TEX9: variants seen among roughly 807,000 people sequenced by gnomAD.
TEX9 encodes testis-expressed protein 9.
Under a neutral mutation model 59.6 loss-of-function variants are expected in TEX9, and 74 were observed. That is an observed-to-expected ratio of 1.24 (90% CI 1.03 to 1.51). TEX9 has a LOEUF of 1.51. Ranked by LOEUF, TEX9 falls within the 40% of genes most tolerant of loss-of-function variation. The pLI, the probability that TEX9 is intolerant of heterozygous loss-of-function variation, is 0.00. For synonymous variants in TEX9, 186 were observed against 152.2 expected (o/e 1.22, Z -1.64); for missense variants, 522 against 447.8 (o/e 1.17, Z -1.49).
At chr15:56,317,422 T>A (rs987733061) in intron 1 of TEX9, among the ~76,000 whole-genome samples, 43 of 152,156 alleles carry the variant, frequency 2.8e-4, no homozygotes, top group Non-Finnish European at 5.7e-4. Context: ...AGTTTTCCCC[T>A]CTCTTTTCCT....
chr15:56,453,560 A>G, the TEX9 span, among the ~76,000 whole-genome samples: 2 of 152,166 alleles, frequency 1.3e-5, no homozygotes, highest in African/African-American at 2.4e-5. Context: ...CTGAACTTAA[A>G]TATAAATGAG....
chr15:56,443,273 G>T (rs2050850112), intron 12 of TEX9, among the ~76,000 whole-genome samples: 1 of 152,016 alleles, frequency 6.6e-6, no homozygotes, highest in Non-Finnish European at 1.5e-5. Flanking sequence ...TATCTTTTTA[G>T]CCAGCTTGAA....
At position 56,324,384 on chromosome 15, in the gene TEX9, A is replaced by G. The variant is rs573144927; in HGVS notation, c.-106-49057A>G. 6.6e-5 allele frequency among the ~76,000 whole-genome samples: 10 copies of G among 152,302 alleles called. No individual in the cohort carries two copies. The East Asian group carries it at 1.4e-3, about 21-fold the overall frequency. ...TTTGGACAGTGTGGGATATATGTGT[A>G]TAATTTTAATATACACCTTAGGAAG... On this transcript the variant is annotated intron_variant, in intron 1 of 5. Transcript: ENST00000560827.
Position 56,339,401 on chromosome 15 carries a change from A to AAAAC in TEX9, c.-106-34037_-106-34036insCAAA, listed in dbSNP as rs1555434471. 8.9e-5 allele frequency among the ~76,000 whole-genome samples: 11 copies of AAAAC among 124,196 alleles called. 1 individual carries two copies. The highest frequency in any genetic ancestry group is 1.7e-4 in the Admixed American group (2 of 11,540). The allele number at this position is 124,196 out of a possible 152,430, so 81.5% of individuals were successfully genotyped here. On this transcript the variant is annotated intron_variant, in intron 1 of 5. Transcript: ENST00000560827. ...CCTTCTCCAAAAAAAAAAAAAAAAA[A>AAAAC]AAAAAAAAAAAAACAGGAGAATAAC...
chr15:56,412,124 A>G (rs1223692411), intron 9 of TEX9, among the ~76,000 whole-genome samples, 178 bp from the exon 10 acceptor site: 1 of 152,124 alleles, frequency 6.6e-6, no homozygotes, highest in African/African-American at 2.4e-5. Flanking sequence ...ATTTGAGGCA[A>G]GAATTCCTTG....
chr15:56,265,707 A>G (rs1193140542), intron 1 of TEX9, among the ~76,000 whole-genome samples: 1 of 152,100 alleles, frequency 6.6e-6, no homozygotes, highest in Non-Finnish European at 1.5e-5. Context: ...GTTATACTTC[A>G]TATGATTTTT....
At chr15:56,325,252 A>G (rs1039208392) in intron 1 of TEX9, among the ~76,000 whole-genome samples, 21 of 152,210 alleles carry the variant, frequency 1.4e-4, no homozygotes, top group African/African-American at 5.1e-4. Flanking sequence ...TCACTTTCTC[A>G]AGGTTAATCC....
At chr15:56,330,433 C>T (rs920843245) in intron 1 of TEX9, among the ~76,000 whole-genome samples, 4 of 152,022 alleles carry the variant, frequency 2.6e-5, no homozygotes, top group African/African-American at 7.2e-5. Context: ...AGTAGAAAGA[C>T]TAAGTGATGA....
chr15:56,281,635 G>C (rs2044822945), intron 1 of TEX9, among the ~76,000 whole-genome samples: 1 of 152,144 alleles, frequency 6.6e-6, no homozygotes, highest in African/African-American at 2.4e-5. Flanking sequence ...ACTGGTTTAA[G>C]CCCTCAGATA....
At chr15:56,436,117 C>A (rs888308749) in intron 12 of TEX9, among the ~76,000 whole-genome samples, 1 of 152,152 alleles carries the variant, frequency 6.6e-6, no homozygotes, top group Non-Finnish European at 1.5e-5. Context: ...TAATAGACAT[C>A]TACAGAACTC....
At chr15:56,412,256 A>G in intron 9 of TEX9, 46 bp from the exon 10 acceptor site, 14 of 1,537,880 alleles carry the variant, frequency 9.1e-6, no homozygotes, top group Non-Finnish European at 1.2e-5. Context: ...AAAGGGGGAA[A>G]CTATGATATA....
chr15:56,393,145 A>G lies in TEX9; in HGVS notation c.572-1020A>G, dbSNP rs573753551. On this transcript the variant is annotated intron_variant, in intron 7 of 12. Coordinates refer to ENST00000352903, the Ensembl canonical transcript of TEX9. ...AGGTTAGAGTTAGGGAGAAAAAGAA[A>G]TGGGAAAAGTCATGCTTTCCTATTT... Among the ~76,000 whole-genome samples, 12 of 152,246 alleles carry G rather than the reference A, an allele frequency of 7.9e-5. No individual in the cohort carries two copies. In the East Asian group the frequency reaches 2.3e-3, roughly 29 times the overall value.
chr15:56,390,913 T>C (rs1265762469), intron 6 of TEX9, among the ~76,000 whole-genome samples: 6 of 152,186 alleles, frequency 3.9e-5, no homozygotes, highest in African/African-American at 1.4e-4. Flanking sequence ...TATTGCCTTA[T>C]TTGGAAGCAA....
Position 56,433,092 on chromosome 15 carries a change from G to A in TEX9, c.*29+4619G>A, listed in dbSNP as rs1057205977. 3.3e-5 allele frequency among the ~76,000 whole-genome samples: 5 copies of A among 152,028 alleles called. 1 individual carries two copies. Among genetic ancestry groups the A allele is most frequent in the African/African-American group, 1.2e-4 (5 of 41,408 alleles). On this transcript the variant is annotated intron_variant, in intron 12 of 12. Transcript: ENST00000352903. ...TTTCCAACTAGTAATCTTCCCCTGG[G>A]CCACCAAATCATTTTGGGTGGACAA...
intron 1 of TEX9, among the ~76,000 whole-genome samples, chr15:56,338,910 C>T (rs569501615): frequency 5.5e-4 from 83 of 152,120 alleles, no homozygotes; most frequent in South Asian, 3.5e-3. Flanking sequence ...GAGAGTGAAA[C>T]ATTGTCTTAA....
At chr15:56,443,509 C>A in intron 12 of TEX9, 3 of 1,598,006 alleles carry the variant, frequency 1.9e-6, no homozygotes, top group Non-Finnish European at 1.7e-6. Flanking sequence ...TTCACGTTGC[C>A]GCAGCATTTC....
chr15:56,322,664 T>G (rs75767326), intron 1 of TEX9, among the ~76,000 whole-genome samples: 4,029 of 152,226 alleles, frequency 0.026, 281 homozygotes, highest in East Asian at 0.24. Flanking sequence ...GTTGTATGAT[T>G]TTTCTCTAGC....
chr15:56,329,821 T>G (rs1439253390), intron 1 of TEX9, among the ~76,000 whole-genome samples: 1 of 151,976 alleles, frequency 6.6e-6, no homozygotes, highest in Non-Finnish European at 1.5e-5. Flanking sequence ...AAAGGGCAAA[T>G]CTAAGAGCTA....
chr15:56,426,626 T>TATATACACAC (rs1214988827), intron 10 of TEX9, among the ~76,000 whole-genome samples: 32 of 47,190 alleles, frequency 6.8e-4, no homozygotes, highest in Admixed American at 2.0e-3. Context: ...TATATATATA[T>TATATACACAC]ACACACACAC....
Sources: gnomAD v4.1 joint callset for allele counts (sites outside exome capture counted in the v4.1 genomes callset) on GRCh38, gnomAD v4.1.1 for gene constraint, MANE v1.5 for transcripts, NCBI Gene and HGNC (gene_info 2026-07-23, HGNC 2026-07-21) for gene names.